CHRNA3: variants seen among roughly 807,000 people sequenced by gnomAD.
CHRNA3 encodes cholinergic receptor nicotinic alpha 3 subunit, also known as neuronal acetylcholine receptor subunit alpha-3.
CHRNA3 carries 34 observed loss-of-function variants against 41.9 expected under a neutral mutation model. The ratio of observed to expected loss-of-function variants is 0.81; its 90% CI spans 0.62 to 1.08. The LOEUF is 1.08. CHRNA3 is among the 50% of genes least tolerant of loss of function. CHRNA3 has a pLI of 0.00. For synonymous variants in CHRNA3, 281 were observed against 265.2 expected (o/e 1.06, Z -0.58); for missense variants, 542 against 638.3 (o/e 0.85, Z 1.63).
intron 4 of CHRNA3, among the ~76,000 whole-genome samples, chr15:78,603,094 ATC>A (rs1411563841): frequency 6.6e-6 from 1 of 152,132 alleles, no homozygotes; most frequent in Non-Finnish European, 1.5e-5. Flanking sequence ...GCTCACTACA[ATC>A]TCTGTCTCCC....
intron 4 of CHRNA3, 69 bp from the exon 5 acceptor site, chr15:78,602,333 A>G (rs1284597729): frequency 2.0e-6 from 3 of 1,488,136 alleles, no homozygotes; most frequent in East Asian, 4.6e-5. Context: ...GGTCATCTCA[A>G]CCAGCTTCTC....
rs954506370 is a variant in CHRNA3, at chr15:78,619,007, C to T, written c.83-92G>A. On this transcript the variant is annotated intron_variant, in intron 1 of 5. Coordinates refer to ENST00000326828, the MANE Select transcript of CHRNA3 (RefSeq NM_000743.5). The stretch of plus-strand genomic sequence containing the variant: ...GAAACATCACCCATCTACAGCATCC[C>T]CTCCACCTGTGGGGGGATTCTGTGG... 1.9e-5 allele frequency: 27 copies of T among 1,415,910 alleles called. No homozygotes were observed. In the African/African-American group the frequency reaches 3.5e-4, roughly 19 times the overall value. The allele number at this position is 1,415,910 out of a possible 1,614,324, so 87.7% of individuals were successfully genotyped here.
At chr15:78,610,221 G>A (rs576812102) in intron 4 of CHRNA3, among the ~76,000 whole-genome samples, 28 of 152,140 alleles carry the variant, frequency 1.8e-4, no homozygotes, top group African/African-American at 3.6e-4. Context: ...TGCACCAAGC[G>A]GACCTAATAG....
intron 4 of CHRNA3, among the ~76,000 whole-genome samples, chr15:78,604,474 G>T (rs2053252823): frequency 6.6e-6 from 1 of 152,184 alleles, no homozygotes; most frequent in South Asian, 2.1e-4. Context: ...TATACTAGAG[G>T]TTAGCTGAGC....
chr15:78,604,418 C>T (rs989285353), intron 4 of CHRNA3, among the ~76,000 whole-genome samples: 1 of 152,198 alleles, frequency 6.6e-6, no homozygotes, highest in African/African-American at 2.4e-5. Context: ...GAACTTGGGT[C>T]CCCAAGTGAG....
intron 5 of CHRNA3, 97 bp from the exon 6 acceptor site, chr15:78,596,829 GC>G: frequency 6.8e-7 from 1 of 1,459,932 alleles, no homozygotes; most frequent in Non-Finnish European, 9.0e-7. Flanking sequence ...TGCAGTAGAA[GC>G]CATTTTGTCT....
intron 4 of CHRNA3, among the ~76,000 whole-genome samples, chr15:78,605,291 T>C (rs932359406): frequency 1.3e-4 from 20 of 151,978 alleles, no homozygotes; most frequent in Non-Finnish European, 1.9e-4. Context: ...GACAGCAAAA[T>C]AACAAATCTG....
At chr15:78,593,870 G>C (rs200751877), downstream of CHRNA3, 9 of 151,120 alleles carry the variant, frequency 6.0e-5, no homozygotes, top group African/African-American at 2.2e-4. Flanking sequence ...GAGAAACCCC[G>C]TCTCTACTAA....
Position 78,615,170 on chromosome 15 carries a change from C to T in CHRNA3, c.377+1854G>A, listed in dbSNP as rs1302842406. On this transcript the variant is annotated intron_variant, in intron 4 of 5. Coordinates refer to ENST00000326828, the MANE Select transcript of CHRNA3 (RefSeq NM_000743.5). ...CTGGGAGCACGGGGCCCAGAATGCT[C>T]ATCCTACTCTGTACATGGGAACCTT... is the stretch of plus-strand genomic sequence containing the variant. Among the ~76,000 whole-genome samples, 16 of 152,184 alleles carry T rather than the reference C, an allele frequency of 1.1e-4. No individual in the cohort carries two copies. The East Asian group carries it at 3.1e-3, about 29-fold the overall frequency.
intron 1 of CHRNA3, chr15:78,620,405 A>G: frequency 4.2e-6 from 1 of 238,264 alleles, no homozygotes; most frequent in Non-Finnish European, 8.2e-6. Flanking sequence ...GGGGACGCGA[A>G]TCCCCAACTC....
chr15:78,619,018 G>T (rs2053510047), intron 1 of CHRNA3, 103 bp from the exon 2 acceptor site: 2 of 1,336,696 alleles, frequency 1.5e-6, no homozygotes, highest in Non-Finnish European at 2.1e-6. Context: ...CTCCACCTGT[G>T]GGGGGATTCT....
At chr15:78,616,572 C>T (rs2053465829) in intron 4 of CHRNA3, among the ~76,000 whole-genome samples, 1 of 152,100 alleles carries the variant, frequency 6.6e-6, no homozygotes, top group Non-Finnish European at 1.5e-5. Context: ...GGCATCTGAG[C>T]CTTCCCCCTC....
Position 78,601,927 on chromosome 15 carries a change from G to A in CHRNA3, c.715C>T (p.Arg239Cys), listed in dbSNP as rs61737495. ...PDITYSLYIR[R>C]LPLFYTINLI... is the part of the protein sequence containing the mutation. ...TTGATGGTGTAGAACAAGGGCAGGCGCCGGATGTACAGCGAGTATGTGATG... is the reference window on the plus strand; with the variant it reads ...TTGATGGTGTAGAACAAGGGCAGGCACCGGATGTACAGCGAGTATGTGATG... The change falls in exon 5 of 6, where the codon CGC becomes TGC. Residue 239 changes from arginine to cysteine, a missense_variant. Coordinates refer to ENST00000326828, the MANE Select transcript of CHRNA3 (RefSeq NM_000743.5). The A allele has an allele frequency of 1.5e-5, 24 of 1,611,308 alleles. No individual in the cohort carries two copies. Among genetic ancestry groups the A allele is most frequent in the Admixed American group, 5.0e-5 (3 of 59,768 alleles).
intron 2 of CHRNA3, 49 bp downstream of exon 2, chr15:78,618,727 C>T: frequency 1.2e-6 from 2 of 1,614,186 alleles, no homozygotes; most frequent in African/African-American, 1.3e-5. Flanking sequence ...AAAGGCTCCT[C>T]CAGAAGCCCC....
chr15:78,602,001 C>T lies in CHRNA3; in HGVS notation c.641G>A (p.Gly214Asp), dbSNP rs1328625383. ...GTTGTACTTGATGTCGTGTTTGTAG[C>T]CTGGGGCTTTGATGATGGCCCACTC... Reference protein sequence around the residue: ...SGEWAIIKAPGYKHDIKYNCC... With the variant: ...SGEWAIIKAPDYKHDIKYNCC... The change falls in exon 5 of 6, where the codon GGC becomes GAC. Residue 214 changes from glycine (G) to aspartate (D), a missense_variant. Coordinates refer to ENST00000326828, the MANE Select transcript of CHRNA3 (RefSeq NM_000743.5). The T allele has an allele frequency of 3.7e-6, 6 of 1,613,340 alleles. No homozygotes were observed. The Admixed American group carries it at 1.0e-4, about 27-fold the overall frequency.
In CHRNA3 at chr15:78,620,771, C is replaced by A. The variant is rs1343271350; in HGVS notation, c.24G>T (p.Leu8=). 2.7e-6 allele frequency: 4 copies of A among 1,496,698 alleles called. No individual in the cohort carries two copies. Among genetic ancestry groups the A allele is most frequent in the Non-Finnish European group, 3.5e-6 (4 of 1,129,832 alleles). The allele number at this position is 1,496,698 out of a possible 1,614,324, so 92.7% of individuals were successfully genotyped here. A position where few individuals can be genotyped will look rare whatever the true frequency, so the allele number is the denominator to read the frequency against. The change falls in exon 1 of 6, where the codon CTG becomes CTT. Residue 8 remains leucine, a synonymous_variant. Coordinates refer to ENST00000326828, the MANE Select transcript of CHRNA3 (RefSeq NM_000743.5). MGSGPLS[L]PLALSPPRLL... ...GCCGCGGCGGCGACAGCGCCAGGGGCAGCGAGAGCGGGCCAGAGCCCATGG... is the reference window on the plus strand; with the variant it reads ...GCCGCGGCGGCGACAGCGCCAGGGGAAGCGAGAGCGGGCCAGAGCCCATGG...
intron 4 of CHRNA3, among the ~76,000 whole-genome samples, chr15:78,604,276 T>C (rs1213169918): frequency 1.3e-5 from 2 of 152,194 alleles, no homozygotes; most frequent in African/African-American, 2.4e-5. Flanking sequence ...CTCTGGCCCT[T>C]TAGAGAAAAC....
chr15:78,611,473 A>C (rs2053378551), intron 4 of CHRNA3, among the ~76,000 whole-genome samples: 1 of 151,782 alleles, frequency 6.6e-6, no homozygotes, highest in South Asian at 2.1e-4. Flanking sequence ...CAAAAACCAC[A>C]TGATTATCTC....
chr15:78,610,234 A>G lies in CHRNA3; in HGVS notation c.377+6790T>C, dbSNP rs375110816. Reference sequence around the variant, plus strand: ...TCTGCACCAAGCGGACCTAATAGACATCTACAGAACTCTCCACCCCAAATC... The same window carrying G: ...TCTGCACCAAGCGGACCTAATAGACGTCTACAGAACTCTCCACCCCAAATC... On this transcript the variant is annotated intron_variant, in intron 4 of 5. Coordinates refer to ENST00000326828, the MANE Select transcript of CHRNA3 (RefSeq NM_000743.5). Among the ~76,000 whole-genome samples the G allele has an allele frequency of 6.3e-4, 96 of 152,328 alleles. 1 individual carries two copies. The East Asian group carries it at 0.015, about 24-fold the overall frequency.
Sources: gnomAD v4.1 joint callset for allele counts (sites outside exome capture counted in the v4.1 genomes callset) on GRCh38, gnomAD v4.1.1 for gene constraint, MANE v1.5 for transcripts, NCBI Gene and HGNC (gene_info 2026-07-23, HGNC 2026-07-21) for gene names.